GPHN: variants seen among roughly 807,000 people sequenced by gnomAD.
The protein encoded by GPHN is gephyrin.
GPHN carries 17 observed loss-of-function variants against 95.5 expected under a neutral mutation model. The observed-to-expected ratio is 0.18, with a 90% CI of 0.12 to 0.27. The LOEUF (loss-of-function observed/expected upper bound fraction) is 0.27. GPHN is among the 10% of genes least tolerant of loss of function. The pLI, the probability that GPHN is intolerant of heterozygous loss-of-function variation, is 1.00. For missense variants in GPHN, 660 were observed against 978.1 expected (o/e 0.67, Z 4.34); for synonymous variants, 320 against 322.5 (o/e 0.99, Z 0.08).
chr14:66,668,174 A>C (rs75061090), intron 1 of GPHN, among the ~76,000 whole-genome samples: 1 of 152,136 alleles, frequency 6.6e-6, no homozygotes. Flanking sequence ...AGGCTTATAC[A>C]CTCTTGGTAG....
intron 1 of GPHN, among the ~76,000 whole-genome samples, chr14:66,539,681 A>T (rs186213688): frequency 6.6e-6 from 1 of 152,080 alleles, no homozygotes; most frequent in Non-Finnish European, 1.5e-5. Flanking sequence ...TCGGCCTCCC[A>T]AAGTGCTGGG....
chr14:67,219,989 A>C, the GPHN span, among the ~76,000 whole-genome samples: 200 of 152,362 alleles, frequency 1.3e-3, no homozygotes, highest in African/African-American at 4.6e-3. Flanking sequence ...TAATATTCTA[A>C]GAACAGAATG....
intron 1 of GPHN, among the ~76,000 whole-genome samples, chr14:66,630,765 C>T (rs777008802): frequency 1.4e-4 from 22 of 152,172 alleles, no homozygotes; most frequent in Non-Finnish European, 2.9e-4. Flanking sequence ...AGCCACTGCG[C>T]CCAGCCATCA....
At chr14:66,909,647 G>T (rs1227440010) in intron 5 of GPHN, among the ~76,000 whole-genome samples, 2 of 151,908 alleles carry the variant, frequency 1.3e-5, no homozygotes, top group Non-Finnish European at 2.9e-5. Flanking sequence ...AGCAAGCAAT[G>T]ATTCGAAGGG....
chr14:67,691,118 G>A, the GPHN span: 1 of 1,550,732 alleles, frequency 6.4e-7, no homozygotes, highest in Non-Finnish European at 8.9e-7. Flanking sequence ...CTCTAGCTTT[G>A]TGATAAGGCC....
intron 10 of GPHN, among the ~76,000 whole-genome samples, chr14:67,032,581 A>G (rs2074239833): frequency 6.6e-6 from 1 of 152,146 alleles, no homozygotes; most frequent in Admixed American, 6.5e-5. Flanking sequence ...ATGGCTTGCT[A>G]CAGCAGCACC....
chr14:67,118,895 G>T lies in GPHN; in HGVS notation c.1627-3361G>T, dbSNP rs527881585. Among the ~76,000 whole-genome samples the T allele has an allele frequency of 3.3e-5, 5 of 152,234 alleles. No homozygotes were observed. The East Asian group carries it at 9.7e-4, about 29-fold the overall frequency. On this transcript the variant is annotated intron_variant, in intron 16 of 22. Coordinates refer to ENST00000478722, the MANE Select transcript of GPHN (RefSeq NM_020806.5). ...ATATTTGTTATGCTGGCATATTTTGGGGTAGTATATTCTGCTACCCTTCAA... is the reference window on the plus strand; with the variant it reads ...ATATTTGTTATGCTGGCATATTTTGTGGTAGTATATTCTGCTACCCTTCAA...
At chr14:67,428,945 C>T in the GPHN span, among the ~76,000 whole-genome samples, 1 of 152,156 alleles carries the variant, frequency 6.6e-6, no homozygotes, top group Non-Finnish European at 1.5e-5. Context: ...ATCTGATTAG[C>T]TGGTGTTGGT....
intron 2 of GPHN, among the ~76,000 whole-genome samples, chr14:66,741,040 T>G (rs1321529220): frequency 6.6e-6 from 1 of 151,970 alleles, no homozygotes; most frequent in Admixed American, 6.6e-5. Context: ...GAGGAAGAAA[T>G]TAAACTTGCA....
chr14:67,300,696 A>G, the GPHN span, among the ~76,000 whole-genome samples: 1 of 152,118 alleles, frequency 6.6e-6, no homozygotes, highest in Non-Finnish European at 1.5e-5. Context: ...AAGATAAGGA[A>G]ACAGGCTAAA....
the GPHN span, among the ~76,000 whole-genome samples, chr14:67,213,550 A>T: frequency 6.6e-6 from 1 of 151,746 alleles, no homozygotes; most frequent in African/African-American, 2.4e-5. Context: ...ACATTTTCTT[A>T]ATCCAGTTTA....
intron 10 of GPHN, 126 bp downstream of exon 10, chr14:67,023,801 C>A: frequency 1.3e-6 from 1 of 750,820 alleles, no homozygotes; most frequent in Non-Finnish European, 2.3e-6. Context: ...AATATTAGGG[C>A]TTTTACCTTC....
the GPHN span, chr14:67,726,170 G>T: frequency 6.6e-7 from 1 of 1,508,088 alleles, no homozygotes; most frequent in Non-Finnish European, 9.2e-7. Flanking sequence ...GTATCTTTGG[G>T]TGACTAAAAA....
At chr14:67,303,747 T>G in the GPHN span, 8 of 656,354 alleles carry the variant, frequency 1.2e-5, no homozygotes, top group African/African-American at 1.8e-5. Context: ...ATCAATGTTT[T>G]AAATTAGTAA....
intron 8 of GPHN, among the ~76,000 whole-genome samples, chr14:66,942,193 G>A (rs191434472): frequency 1.5e-3 from 223 of 152,270 alleles, no homozygotes; most frequent in African/African-American, 5.1e-3. Context: ...TGTATTTTTA[G>A]TAGAGACAGT....
the GPHN span, among the ~76,000 whole-genome samples, chr14:67,687,842 T>C: frequency 1.3e-5 from 2 of 151,540 alleles, no homozygotes. Flanking sequence ...GGCATGATCT[T>C]GGCTCACTGC....
chr14:67,404,030 G>A, the GPHN span, among the ~76,000 whole-genome samples: 1 of 152,096 alleles, frequency 6.6e-6, no homozygotes, highest in Non-Finnish European at 1.5e-5. Flanking sequence ...TCTAGCCTGG[G>A]CAACACAGTG....
chr14:67,218,492 G>A, the GPHN span, among the ~76,000 whole-genome samples: 1 of 152,292 alleles, frequency 6.6e-6, no homozygotes, highest in African/African-American at 2.4e-5. Flanking sequence ...GTGGATACAG[G>A]GCTGCTTGGC....
At chr14:67,465,986 G>A in the GPHN span, among the ~76,000 whole-genome samples, 6 of 152,182 alleles carry the variant, frequency 3.9e-5, no homozygotes, top group Non-Finnish European at 7.3e-5. Context: ...CTCCCCTAAA[G>A]CCTCAGAGGA....
Sources: gnomAD v4.1 joint callset for allele counts (sites outside exome capture counted in the v4.1 genomes callset) on GRCh38, gnomAD v4.1.1 for gene constraint, MANE v1.5 for transcripts, NCBI Gene and HGNC (gene_info 2026-07-23, HGNC 2026-07-21) for gene names.